Variants in RBMS1 observed in about 807,000 individuals in gnomAD.
RBMS1 encodes RNA-binding motif, single-stranded-interacting protein 1.
Under a neutral mutation model 62.3 loss-of-function variants are expected in RBMS1, and 17 were observed. The observed-to-expected ratio is 0.27, with a 90% CI of 0.19 to 0.41. The LOEUF is 0.41. Ranked by LOEUF, RBMS1 falls within the 10% of genes least tolerant of loss-of-function variation. RBMS1 has a pLI of 1.00. For missense variants in RBMS1, 334 were observed against 504.5 expected, an observed-to-expected ratio of 0.66 and a Z score of 3.24; for synonymous variants, 172 against 170.0, an observed-to-expected ratio of 1.01 and a Z score of -0.09.
intron 1 of RBMS1, among the ~76,000 whole-genome samples, chr2:160,452,233 C>T (rs1442687637): frequency 6.6e-6 from 1 of 152,058 alleles, no homozygotes; most frequent in Non-Finnish European, 1.5e-5. Context: ...ATATGGAGGC[C>T]TCTGAGCTCC....
rs377394531 is a variant in RBMS1, at chr2:160,417,270, TAAGA to T, written c.76-49883_76-49880del. Among the ~76,000 whole-genome samples the T allele has an allele frequency of 2.7e-3, 415 of 152,302 alleles. 2 individuals carry two copies. Among genetic ancestry groups the T allele is most frequent in the African/African-American group, 9.1e-3 (377 of 41,580 alleles). Reference sequence around the variant, plus strand: ...AAAATGTAGTGATGCAGTAATCAAATAAGAAAGAACATGCTTTATAAACTACATA... The same window carrying T: ...AAAATGTAGTGATGCAGTAATCAAATAAGAACATGCTTTATAAACTACATA... On this transcript the variant is annotated intron_variant, in intron 1 of 13. Coordinates refer to ENST00000348849, the MANE Select transcript of RBMS1 (RefSeq NM_016836.4).
chr2:160,415,859 T>A (rs76095723), intron 1 of RBMS1, among the ~76,000 whole-genome samples: 14,662 of 151,992 alleles, frequency 0.096, 971 homozygotes, highest in East Asian at 0.25. Context: ...GATGCTAGAA[T>A]AATTAATGAT....
rs770716010 is a variant in RBMS1 at position 160,286,991 on chromosome 2, T to C, written c.734A>G (p.His245Arg). The C allele has an allele frequency of 1.2e-5, 20 of 1,612,272 alleles. No individual in the cohort carries two copies. In the Admixed American group the frequency reaches 2.3e-4, roughly 19 times the overall value. The change falls in exon 7 of 14, where the codon CAT becomes CGT. Residue 245 changes from histidine (H) to arginine (R), a missense_variant. His to Arg is a conservative substitution (Grantham distance 29). Transcript: ENST00000348849. ...NKYIPNGRPWHREGEVRLAGM... is the reference protein window; with the variant it reads ...NKYIPNGRPWRREGEVRLAGM... ...TACAAGTCTCACCTCTCCTTCTCTA[T>C]GCCATGGTCTTCCATTAGGGATGTA...
intron 1 of RBMS1, among the ~76,000 whole-genome samples, chr2:160,379,897 A>G (rs1694192128): frequency 6.6e-6 from 1 of 152,224 alleles, no homozygotes; most frequent in Non-Finnish European, 1.5e-5. Context: ...ACAGAGACCC[A>G]GGACCTCTGT....
chr2:160,482,252 T>G (rs1307330716), intron 1 of RBMS1, among the ~76,000 whole-genome samples: 1 of 152,130 alleles, frequency 6.6e-6, no homozygotes, highest in Admixed American at 6.6e-5. Flanking sequence ...TGTACAAGAA[T>G]GGATACAACC....
chr2:160,363,703 G>T (rs1259174634), intron 2 of RBMS1, among the ~76,000 whole-genome samples: 1 of 152,198 alleles, frequency 6.6e-6, no homozygotes, highest in Non-Finnish European at 1.5e-5. Context: ...ATTTGGAAAA[G>T]AGACAGTGTT....
chr2:160,299,439 C>A (rs928136869), intron 6 of RBMS1, among the ~76,000 whole-genome samples: 6 of 152,096 alleles, frequency 3.9e-5, no homozygotes, highest in African/African-American at 1.4e-4. Flanking sequence ...GCACGTTTCC[C>A]CCCATTTCGT....
intron 2 of RBMS1, among the ~76,000 whole-genome samples, chr2:160,361,513 G>A (rs1424729684): frequency 3.3e-5 from 5 of 152,338 alleles, no homozygotes; most frequent in East Asian, 3.9e-4. Flanking sequence ...GTTCCAGACC[G>A]CTGCCATACA....
At chr2:160,443,218 A>C (rs1683489033) in intron 1 of RBMS1, among the ~76,000 whole-genome samples, 1 of 149,552 alleles carries the variant, frequency 6.7e-6, no homozygotes, top group African/African-American at 2.4e-5. Context: ...AAACAAAAAA[A>C]AAAACAAAAA....
chr2:160,424,375 G>T, intron 1 of RBMS1, among the ~76,000 whole-genome samples: 1 of 131,788 alleles, frequency 7.6e-6, no homozygotes, highest in Non-Finnish European at 1.6e-5. Flanking sequence ...TGGGGGGGGG[G>T]GGAAACAAAA....
intron 1 of RBMS1, among the ~76,000 whole-genome samples, chr2:160,464,430 C>A (rs569310092): frequency 6.6e-6 from 1 of 152,090 alleles, no homozygotes; most frequent in Non-Finnish European, 1.5e-5. Flanking sequence ...TACAGTTGTA[C>A]GTATTTTTTA....
chr2:160,357,348 G>T (rs1692858375), intron 2 of RBMS1, among the ~76,000 whole-genome samples: 1 of 152,050 alleles, frequency 6.6e-6, no homozygotes, highest in Non-Finnish European at 1.5e-5. Flanking sequence ...AAGACAGAAT[G>T]GCTCTTTATC....
intron 4 of RBMS1, among the ~76,000 whole-genome samples, chr2:160,304,775 A>G (rs1445186839): frequency 6.6e-6 from 1 of 152,270 alleles, no homozygotes; most frequent in Non-Finnish European, 1.5e-5. Context: ...TAAAACACAC[A>G]TACTTGACAA....
chr2:160,386,551 A>G (rs1195396294), intron 1 of RBMS1, among the ~76,000 whole-genome samples: 1 of 152,124 alleles, frequency 6.6e-6, no homozygotes, highest in Non-Finnish European at 1.5e-5. Flanking sequence ...AAAAAAAAAA[A>G]AAAAGATGTG....
At chr2:160,380,722 C>T (rs377043968) in intron 1 of RBMS1, among the ~76,000 whole-genome samples, 221 of 152,262 alleles carry the variant, frequency 1.5e-3, no homozygotes, top group African/African-American at 5.0e-3. Flanking sequence ...ATGATAACTT[C>T]TAGTATGGAA....
intron 1 of RBMS1, among the ~76,000 whole-genome samples, chr2:160,439,194 T>C (rs1480826826): frequency 1.3e-5 from 2 of 150,578 alleles, no homozygotes; most frequent in Non-Finnish European, 3.0e-5. Flanking sequence ...GACGGGGGGC[T>C]GACCCCCCCA....
chr2:160,331,538 G>A (rs879836120), intron 2 of RBMS1, among the ~76,000 whole-genome samples: 1 of 152,076 alleles, frequency 6.6e-6, no homozygotes, highest in Non-Finnish European at 1.5e-5. Context: ...TCGTATATGA[G>A]GCCTCAGCAT....
At chr2:160,357,307 C>A (rs1692855963) in intron 2 of RBMS1, among the ~76,000 whole-genome samples, 1 of 152,056 alleles carries the variant, frequency 6.6e-6, no homozygotes, top group Non-Finnish European at 1.5e-5. Context: ...ACGGGTTTGC[C>A]AACAGCTTGT....
chr2:160,310,872 G>A (rs923517638), intron 4 of RBMS1, among the ~76,000 whole-genome samples: 6 of 151,892 alleles, frequency 4.0e-5, no homozygotes, highest in African/African-American at 7.3e-5. Flanking sequence ...GAATCTCTAC[G>A]CGATGGACAA....
Sources: gnomAD v4.1 joint callset for allele counts (sites outside exome capture counted in the v4.1 genomes callset) on GRCh38, gnomAD v4.1.1 for gene constraint, MANE v1.5 for transcripts, NCBI Gene and HGNC (gene_info 2026-07-23, HGNC 2026-07-21) for gene names.